The following DDAH1 variants were observed in gnomAD, a reference collection of about 807,000 sequenced individuals.
DDAH1 encodes the protein N(G),N(G)-dimethylarginine dimethylaminohydrolase 1.
In DDAH1, 19 loss-of-function variants were observed where a neutral mutation model predicts 28.8. The observed-to-expected ratio is 0.66, with a 90% CI of 0.46 to 0.97. DDAH1 has a LOEUF of 0.97. Ranked by LOEUF, DDAH1 falls within the 50% of genes least tolerant of loss-of-function variation. The probability of loss-of-function intolerance (pLI) is 0.00; values close to 1 mark genes in which losing one functional copy is unlikely to be tolerated. For synonymous variants in DDAH1, 153 were observed against 154.4 expected (o/e 0.99, Z 0.07); for missense variants, 326 against 375.9 (o/e 0.87, Z 1.10).
chr1:85,425,661 C>T (rs943066111), intron 1 of DDAH1, among the ~76,000 whole-genome samples: 2 of 152,082 alleles, frequency 1.3e-5, no homozygotes, highest in Non-Finnish European at 2.9e-5. Context: ...GAAGTTATTA[C>T]GTTTTTCCAA....
At position 85,370,123 on chromosome 1, in the gene DDAH1, G is replaced by A. The variant is rs79760663; in HGVS notation, c.304-11276C>T. 5.2e-3 allele frequency among the ~76,000 whole-genome samples: 795 copies of A among 152,268 alleles called. 26 individuals are homozygous for A. The East Asian group carries it at 0.09, about 17-fold the overall frequency. On this transcript the variant is annotated intron_variant, in intron 1 of 5. Transcript: ENST00000284031. ...ATGGGGTCTTTAGAGAGATAATCAG[G>A]TTAAAATGAGGTCATTAGGATGGGC... is the stretch of plus-strand genomic sequence containing the variant.
At chr1:85,554,712 T>C (rs1253479128) in intron 1 of DDAH1, among the ~76,000 whole-genome samples, 1 of 152,160 alleles carries the variant, frequency 6.6e-6, no homozygotes, top group Non-Finnish European at 1.5e-5. Flanking sequence ...CCAGAAAGAA[T>C]CAATTGTTTT....
At chr1:85,401,067 C>A (rs540877012) in intron 1 of DDAH1, among the ~76,000 whole-genome samples, 13 of 152,126 alleles carry the variant, frequency 8.5e-5, no homozygotes, top group Non-Finnish European at 1.6e-4. Context: ...TTATATAATA[C>A]GAGAACATTG....
chr1:85,539,006 TC>T (rs1298896349), intron 1 of DDAH1, among the ~76,000 whole-genome samples: 3 of 152,118 alleles, frequency 2.0e-5, no homozygotes, highest in African/African-American at 7.2e-5. Context: ...TCTTGTCTTT[TC>T]CCCCACTATT....
chr1:85,323,950 C>T (rs1221878030), intron 5 of DDAH1, among the ~76,000 whole-genome samples: 1 of 131,182 alleles, frequency 7.6e-6, no homozygotes, highest in Non-Finnish European at 1.5e-5. Flanking sequence ...GACTTGGCAA[C>T]AGAGCAAGAT....
chr1:85,514,946 G>A (rs1230189351), intron 1 of DDAH1, among the ~76,000 whole-genome samples: 2 of 151,330 alleles, frequency 1.3e-5, no homozygotes, highest in African/African-American at 2.4e-5. Context: ...CCAAGATCTG[G>A]GTTCTAGGTA....
chr1:85,511,537 T>G (rs139648314), intron 1 of DDAH1, among the ~76,000 whole-genome samples: 7,199 of 152,220 alleles, frequency 0.047, 197 homozygotes, highest in African/African-American at 0.072. Flanking sequence ...CAAAAAACCC[T>G]TCAAAAAATC....
chr1:85,389,275 AAAAAT>A (rs1651426716), intron 1 of DDAH1, among the ~76,000 whole-genome samples: 1 of 152,170 alleles, frequency 6.6e-6, no homozygotes, highest in Non-Finnish European at 1.5e-5. Flanking sequence ...TGGAAAAAAT[AAAAAT>A]AAAAGTTGTT....
At chr1:85,341,202 G>A (rs2100821399) in intron 4 of DDAH1, among the ~76,000 whole-genome samples, 1 of 152,262 alleles carries the variant, frequency 6.6e-6, no homozygotes, top group East Asian at 1.9e-4. Flanking sequence ...TTTCTCATCC[G>A]ACTCAGTATC....
rs754166289 is a variant in DDAH1, at chr1:85,465,011, C to T, written c.35G>A (p.Arg12Gln). Residue 12 changes from arginine (R) to glutamine (Q), a missense_variant, in exon 1 of 6, where the codon CGG becomes CAG. Arg to Gln is a conservative substitution (Grantham distance 43, BLOSUM62 1). Transcript: ENST00000284031. ...CGCCCGCACCACGGCGTGGGTGGCC[C>T]GGCCGAAGGCGGCGGGGTGGCCGAG... is the stretch of plus-strand genomic sequence containing the variant. The part of the protein sequence containing the change: ...AGLGHPAAFG[R>Q]ATHAVVRALP... 1.3e-5 allele frequency: 18 copies of T among 1,340,934 alleles called. No individual in the cohort carries two copies. The highest frequency in any genetic ancestry group is 1.6e-5 in the Non-Finnish European group (17 of 1,048,502). The allele number at this position is 1,340,934 out of a possible 1,614,324, so 83.1% of individuals were successfully genotyped here.
chr1:85,496,166 C>G, exon 2 of DDAH1: 1 of 910,280 alleles, frequency 1.1e-6, no homozygotes, highest in Non-Finnish European at 1.3e-6. Flanking sequence ...TTTAACTTAC[C>G]TAATATAAAT....
chr1:85,458,832 A>T (rs1390878527), intron 1 of DDAH1, among the ~76,000 whole-genome samples: 1 of 152,152 alleles, frequency 6.6e-6, no homozygotes, highest in Non-Finnish European at 1.5e-5. Context: ...TATAAGATAT[A>T]AATGAAACTT....
chr1:85,441,050 A>G (rs1292167792), intron 1 of DDAH1, among the ~76,000 whole-genome samples: 1 of 152,238 alleles, frequency 6.6e-6, no homozygotes, highest in Non-Finnish European at 1.5e-5. Flanking sequence ...CTGCAGATAA[A>G]TGCTGAAATT....
At chr1:85,442,353 T>G (rs1654236522) in intron 1 of DDAH1, among the ~76,000 whole-genome samples, 1 of 152,200 alleles carries the variant, frequency 6.6e-6, no homozygotes, top group Non-Finnish European at 1.5e-5. Flanking sequence ...ACAAAGGACA[T>G]GAACTCATCC....
chr1:85,454,798 G>T (rs934462780), intron 1 of DDAH1, among the ~76,000 whole-genome samples: 1 of 152,110 alleles, frequency 6.6e-6, no homozygotes, highest in East Asian at 1.9e-4. Context: ...GGGAAAAAAT[G>T]GTACAAAAAC....
intron 1 of DDAH1, among the ~76,000 whole-genome samples, chr1:85,454,171 A>C (rs1490446457): frequency 6.6e-6 from 1 of 152,226 alleles, no homozygotes; most frequent in African/African-American, 2.4e-5. Flanking sequence ...AAGGAAAACT[A>C]TGCTTTCCTG....
intron 1 of DDAH1, among the ~76,000 whole-genome samples, chr1:85,405,395 G>A (rs1183987492): frequency 1.3e-5 from 2 of 152,144 alleles, no homozygotes; most frequent in Non-Finnish European, 2.9e-5. Context: ...TTCTATAGAC[G>A]GCATGCATCA....
chr1:85,519,141 T>G (rs1473901393), intron 1 of DDAH1, among the ~76,000 whole-genome samples: 1 of 130,420 alleles, frequency 7.7e-6, no homozygotes, highest in Non-Finnish European at 1.5e-5. Context: ...TCGCCCAGGC[T>G]GGAGTGCAGT....
chr1:85,572,685 G>A (rs746798921), intron 1 of DDAH1, among the ~76,000 whole-genome samples: 2 of 152,200 alleles, frequency 1.3e-5, no homozygotes, highest in Non-Finnish European at 2.9e-5. Flanking sequence ...CGGCACTAAC[G>A]CTCAGGCATG....
Sources: gnomAD v4.1 joint callset for allele counts (sites outside exome capture counted in the v4.1 genomes callset) on GRCh38, gnomAD v4.1.1 for gene constraint, MANE v1.5 for transcripts, NCBI Gene and HGNC (gene_info 2026-07-23, HGNC 2026-07-21) for gene names.